Variants in CROCC2 observed in about 807,000 individuals in gnomAD.
The protein encoded by CROCC2 is ciliary rootlet coiled-coil, rootletin family member 2, also known as ciliary rootlet coiled-coil protein 2.
In CROCC2, 163 loss-of-function variants were observed where a neutral mutation model predicts 177.6. That is an observed-to-expected ratio of 0.92 (90% CI 0.81 to 1.05). The LOEUF is 1.05. Ranked by LOEUF, CROCC2 falls within the 50% of genes least tolerant of loss-of-function variation. The pLI, the probability that CROCC2 is intolerant of heterozygous loss-of-function variation, is 0.00. For missense variants in CROCC2, 1,929 were observed against 1,797.8 expected (o/e 1.07, Z -1.32); for synonymous variants, 904 against 787.3 (o/e 1.15, Z -2.48).
chr2:240,932,810 C>A lies in CROCC2; in HGVS notation c.1153C>A (p.Gln385Lys). The change falls in exon 9 of 32, where the codon CAA becomes AAA. Residue 385 changes from glutamine to lysine, a missense_variant. Around this residue, in one of 3 missense-constraint regions of CROCC2, gnomAD observed 1,397 missense variants for 1,239.9 expected, o/e 1.13. Transcript: ENST00000690015. ...RSPQRATSPH[Q>K]GASPPHICSP... ...CCCCCAACGTGCCACATCCCCCCAT[C>A]AAGGGGCGTCCCCACCACACATCTG... 1 of 1,529,752 alleles carries A rather than the reference C, an allele frequency of 6.5e-7. No homozygotes were observed. The highest frequency in any genetic ancestry group is 8.8e-7 in the Non-Finnish European group (1 of 1,130,918). The allele number at this position is 1,529,752 out of a possible 1,614,324, so 94.8% of individuals were successfully genotyped here. A position where few individuals can be genotyped will look rare whatever the true frequency, so the allele number is the denominator to read the frequency against.
chr2:240,926,684 A>G (rs2059397142), intron 5 of CROCC2, among the ~76,000 whole-genome samples: 1 of 152,252 alleles, frequency 6.6e-6, no homozygotes, highest in African/African-American at 2.4e-5. Context: ...TCCCTCAGAC[A>G]AGCCTGTCCC....
intron 5 of CROCC2, among the ~76,000 whole-genome samples, chr2:240,929,232 C>A (rs139720480): frequency 1.3e-5 from 2 of 152,096 alleles, no homozygotes; most frequent in African/African-American, 4.8e-5. Flanking sequence ...CTATTGTTTC[C>A]GCTGGTTTCT....
At chr2:240,931,362 G>T (rs2059430138) in intron 7 of CROCC2, among the ~76,000 whole-genome samples, 1 of 152,234 alleles carries the variant, frequency 6.6e-6, no homozygotes, top group Admixed American at 6.5e-5. Flanking sequence ...GTTTCAGGGA[G>T]CACGGCAGGG....
At chr2:240,992,887 G>A (rs371667513) in intron 31 of CROCC2, among the ~76,000 whole-genome samples, 179 bp from the exon 32 acceptor site, 1 of 152,138 alleles carries the variant, frequency 6.6e-6, no homozygotes, top group East Asian at 1.9e-4. Context: ...GGGGCCTCCC[G>A]CTCTGCAGCC....
At chr2:240,961,645 C>CAT (rs2059636404) in intron 20 of CROCC2, among the ~76,000 whole-genome samples, 1 of 143,868 alleles carries the variant, frequency 7.0e-6, no homozygotes, top group African/African-American at 2.6e-5. Flanking sequence ...TCATCACACA[C>CAT]GCTCATCACA....
At chr2:240,934,564 C>T (rs947873442) in intron 12 of CROCC2, 89 bp downstream of exon 12, 3 of 1,328,708 alleles carry the variant, frequency 2.3e-6, no homozygotes, top group Admixed American at 4.6e-5. Context: ...CTCCCTCTCT[C>T]CTGCCTGCCG....
chr2:240,966,485 C>A, intron 25 of CROCC2, 76 bp downstream of exon 25: 1 of 398,768 alleles, frequency 2.5e-6, no homozygotes, highest in East Asian at 3.6e-5. Context: ...GCTGTCCATC[C>A]ATCCGCGCGT....
chr2:240,966,294 T>A lies in CROCC2; in HGVS notation c.4031T>A (p.Leu1344His), dbSNP rs1387400176. ...CCCCCAGCCAGGCCCCACTCGCCCC[T>A]CCGATGGCCCTCGCCCACACCCGGA... Reference protein sequence around the residue: ...TSPPARPHSPLRWPSPTPGGR... With the variant: ...TSPPARPHSPHRWPSPTPGGR... The change falls in exon 25 of 32, where the codon CTC becomes CAC. Residue 1344 changes from leucine (L) to histidine (H), a missense_variant. Around this residue, in one of 3 missense-constraint regions of CROCC2, gnomAD observed 388 missense variants for 352.7 expected, o/e 1.10. Coordinates refer to ENST00000690015, the MANE Select transcript of CROCC2 (RefSeq NM_001351305.2). 4 of 453,104 alleles carry A rather than the reference T, an allele frequency of 8.8e-6. No homozygotes were observed. Among genetic ancestry groups the A allele is most frequent in the Non-Finnish European group, 1.5e-5 (4 of 273,444 alleles). The allele number at this position is 453,104 out of a possible 1,614,324, so 28.1% of individuals were successfully genotyped here. A position where few individuals can be genotyped will look rare whatever the true frequency, so the allele number is the denominator to read the frequency against.
chr2:240,922,910 C>A (rs377430683), intron 4 of CROCC2, among the ~76,000 whole-genome samples: 19 of 152,246 alleles, frequency 1.2e-4, no homozygotes, highest in East Asian at 9.6e-4. Flanking sequence ...TGTGGGGAGA[C>A]CCCAGGCCGA....
intron 27 of CROCC2, among the ~76,000 whole-genome samples, chr2:240,974,018 G>A (rs916373210): frequency 6.6e-6 from 1 of 152,162 alleles, no homozygotes; most frequent in Non-Finnish European, 1.5e-5. Flanking sequence ...GGTCAGTTTT[G>A]CCCTGTGGGA....
Position 240,950,456 on chromosome 2 carries a change from C to T in CROCC2, c.2775C>T (p.Ser925=). The T allele has an allele frequency of 1.3e-6, 2 of 1,550,146 alleles. No individual in the cohort carries two copies. Among genetic ancestry groups the T allele is most frequent in the Non-Finnish European group, 1.7e-6 (2 of 1,146,782 alleles). Residue 925 remains serine, a synonymous_variant, in exon 18 of 32, where the codon AGC becomes AGT. Coordinates refer to ENST00000690015, the MANE Select transcript of CROCC2 (RefSeq NM_001351305.2). ...EREALKGEIQ[S]LKQERDESLL... ...AGGCTCTGAAGGGGGAAATTCAGAG[C>T]CTGAAGCAGGAGCGGGACGAGAGCC...
chr2:240,941,184 C>T (rs534058380), intron 14 of CROCC2, among the ~76,000 whole-genome samples: 95 of 151,980 alleles, frequency 6.3e-4, no homozygotes, highest in African/African-American at 1.8e-3. Flanking sequence ...AAATCATAGA[C>T]GACACAAACA....
At chr2:240,907,378 C>T (rs1215263829) in intron 1 of CROCC2, among the ~76,000 whole-genome samples, 3 of 152,100 alleles carry the variant, frequency 2.0e-5, no homozygotes, top group African/African-American at 7.2e-5. Context: ...CCTGCACTGC[C>T]GTCACCTGCT....
Position 240,963,621 on chromosome 2 carries a change from G to A in CROCC2, c.3153G>A (p.Leu1051=). The A allele has an allele frequency of 6.5e-7, 1 of 1,548,976 alleles. No homozygotes were observed. The highest frequency in any genetic ancestry group is 8.7e-7 in the Non-Finnish European group (1 of 1,146,568). ...GACTGGCCGCACTGCGCCAGGAGCT[G>A]CAGGGCGTCGAGGAGAGCCGGGAGG... ...QEGLAALRQE[L]QGVEESREGL... The change falls in exon 21 of 32, where the codon CTG becomes CTA. Residue 1051 remains leucine (L), a synonymous_variant. Transcript: ENST00000690015.
intron 27 of CROCC2, among the ~76,000 whole-genome samples, chr2:240,974,344 T>G (rs1243260286): frequency 3.6e-4 from 48 of 132,476 alleles, no homozygotes; most frequent in Admixed American, 2.1e-3. Flanking sequence ...TATTTTTAGT[T>G]TACTTTTTTT....
chr2:240,911,293 CA>C (rs1173483274), intron 1 of CROCC2, among the ~76,000 whole-genome samples: 39 of 114,152 alleles, frequency 3.4e-4, no homozygotes, highest in Admixed American at 3.5e-4. Flanking sequence ...TCCACGTCCA[CA>C]ACTTTTTTTT....
chr2:240,964,276 GC>G (rs2059661824), intron 21 of CROCC2, 189 bp from the exon 22 acceptor site: 4 of 654,974 alleles, frequency 6.1e-6, no homozygotes, highest in Non-Finnish European at 8.0e-6. Context: ...GGGCCATGCG[GC>G]CGGCACCGGG....
At chr2:240,920,353 A>G (rs2059350612) in intron 3 of CROCC2, among the ~76,000 whole-genome samples, 1 of 152,230 alleles carries the variant, frequency 6.6e-6, no homozygotes, top group African/African-American at 2.4e-5. Flanking sequence ...GAGGCCAAGC[A>G]GCACGTGCCC....
At chr2:240,935,084 C>A in intron 13 of CROCC2, 22 bp downstream of exon 13, 1 of 1,330,238 alleles carries the variant, frequency 7.5e-7, no homozygotes, top group Non-Finnish European at 9.7e-7. Flanking sequence ...GCCAGTGGGG[C>A]GGGCCTCGCT....
Sources: gnomAD v4.1 joint callset for allele counts (sites outside exome capture counted in the v4.1 genomes callset) on GRCh38, gnomAD v4.1.1 for gene constraint, gnomAD v4.1.1 regional missense constraint, MANE v1.5 for transcripts, NCBI Gene and HGNC (gene_info 2026-07-23, HGNC 2026-07-21) for gene names.